CLYBL: variants seen among roughly 807,000 people sequenced by gnomAD.
CLYBL encodes the protein citramalyl-CoA lyase, mitochondrial.
In CLYBL, 31 loss-of-function variants were observed where a neutral mutation model predicts 38.9. The ratio of observed to expected loss-of-function variants is 0.80; its 90% confidence interval spans 0.60 to 1.08. The LOEUF (loss-of-function observed/expected upper bound fraction) is 1.08, where lower values mean the gene tolerates loss of function less well. CLYBL is among the 50% of genes least tolerant of loss of function. The pLI, the probability that CLYBL is intolerant of heterozygous loss-of-function variation, is 0.00. For synonymous variants in CLYBL, 171 were observed against 158.6 expected (o/e 1.08, Z -0.59); for missense variants, 434 against 411.6 (o/e 1.05, Z -0.47).
intron 2 of CLYBL, among the ~76,000 whole-genome samples, chr13:99,798,977 A>AT (rs1291070024): frequency 2.0e-5 from 3 of 152,228 alleles, no homozygotes; most frequent in Non-Finnish European, 2.9e-5. Flanking sequence ...GTGGATTAGC[A>AT]TTTTTTGACA....
chr13:99,807,866 A>G (rs1253471532), intron 2 of CLYBL, among the ~76,000 whole-genome samples: 1 of 152,228 alleles, frequency 6.6e-6, no homozygotes, highest in East Asian at 1.9e-4. Flanking sequence ...AATCTAGGAT[A>G]TGAAGAATAT....
intron 1 of CLYBL, among the ~76,000 whole-genome samples, chr13:99,676,657 A>C (rs763834084): frequency 6.6e-6 from 1 of 151,080 alleles, no homozygotes; most frequent in Non-Finnish European, 1.5e-5. Context: ...GCAATGGCAC[A>C]ATCTCGACTT....
intron 7 of CLYBL, among the ~76,000 whole-genome samples, chr13:99,872,632 C>T (rs564595279): frequency 3.9e-5 from 6 of 152,268 alleles, no homozygotes; most frequent in African/African-American, 9.6e-5. Context: ...ACCATTGAAA[C>T]GAGAGAGCAG....
chr13:99,773,098 A>G, intron 2 of CLYBL, 88 bp downstream of exon 2: 4 of 1,092,340 alleles, frequency 3.7e-6, no homozygotes, highest in Non-Finnish European at 5.4e-6. Context: ...ATTTGGAAAG[A>G]TTCTACCACA....
At chr13:99,671,893 C>T (rs754868829) in intron 1 of CLYBL, among the ~76,000 whole-genome samples, 1 of 152,176 alleles carries the variant, frequency 6.6e-6, no homozygotes, top group Non-Finnish European at 1.5e-5. Context: ...TGCCTGGACT[C>T]ACGTCCCTGA....
intron 1 of CLYBL, among the ~76,000 whole-genome samples, chr13:99,663,767 C>T (rs188219694): frequency 1.2e-4 from 18 of 152,276 alleles, no homozygotes; most frequent in African/African-American, 3.9e-4. Flanking sequence ...TGAGCTGCTG[C>T]GTCCTCACTA....
intron 7 of CLYBL, among the ~76,000 whole-genome samples, chr13:99,872,002 A>G (rs1239545787): frequency 2.2e-5 from 3 of 134,550 alleles, no homozygotes; most frequent in African/African-American, 7.6e-5. Flanking sequence ...AAAAAAAAAA[A>G]AAAAGAAAAA....
chr13:99,664,359 A>G (rs1330748806), intron 1 of CLYBL, among the ~76,000 whole-genome samples: 1 of 152,276 alleles, frequency 6.6e-6, no homozygotes, highest in Non-Finnish European at 1.5e-5. Flanking sequence ...CCCTGAAGCA[A>G]ATACTTTCAA....
chr13:99,720,423 A>G (rs998234868), intron 1 of CLYBL, among the ~76,000 whole-genome samples: 6 of 151,978 alleles, frequency 3.9e-5, no homozygotes, highest in African/African-American at 1.5e-4. Flanking sequence ...TATAATTGAT[A>G]TTGCTGGCTC....
At chr13:99,658,474 G>A (rs1221801919) in intron 1 of CLYBL, among the ~76,000 whole-genome samples, 4 of 152,150 alleles carry the variant, frequency 2.6e-5, no homozygotes, top group Non-Finnish European at 4.4e-5. Flanking sequence ...AGGCTGCCGG[G>A]GACTCTGACT....
intron 1 of CLYBL, among the ~76,000 whole-genome samples, chr13:99,637,753 A>G (rs538451549): frequency 4.6e-5 from 7 of 152,172 alleles, no homozygotes; most frequent in African/African-American, 1.7e-4. Context: ...GTGTGACTTC[A>G]TCTCAAATAA....
intron 2 of CLYBL, among the ~76,000 whole-genome samples, chr13:99,779,105 A>G (rs1423328131): frequency 6.6e-6 from 1 of 152,084 alleles, no homozygotes; most frequent in Non-Finnish European, 1.5e-5. Context: ...CTATGAGAAC[A>G]TATTTCTTTT....
chr13:99,827,572 G>C (rs1323480889), intron 2 of CLYBL, among the ~76,000 whole-genome samples: 1 of 152,116 alleles, frequency 6.6e-6, no homozygotes, highest in Admixed American at 6.5e-5. Flanking sequence ...CAGCCCAGGG[G>C]CTACTCAGAA....
At chr13:99,676,012 G>C (rs1042727661) in intron 1 of CLYBL, among the ~76,000 whole-genome samples, 1 of 152,000 alleles carries the variant, frequency 6.6e-6, no homozygotes, top group African/African-American at 2.4e-5. Context: ...GTGCCTCCAC[G>C]CCTGGCTAAT....
rs747526176 is a variant in CLYBL, at chr13:99,863,055, C to G, written c.503C>G (p.Pro168Arg). 1.2e-6 allele frequency: 2 copies of G among 1,608,910 alleles called. No homozygotes were observed. The highest frequency in any genetic ancestry group is 2.7e-5 in the African/African-American group (2 of 74,698). Reference sequence around the variant, plus strand: ...CTTGAACAACCAATGAATTTAATCCCTTTTGTGGAAACTGCAATGGGTTTG... The same window carrying G: ...CTTGAACAACCAATGAATTTAATCCGTTTTGTGGAAACTGCAATGGGTTTG... Reference protein sequence around the residue: ...RKLEQPMNLIPFVETAMGLLN... With the variant: ...RKLEQPMNLIRFVETAMGLLN... The change falls in exon 4 of 9, where the codon CCT becomes CGT. Residue 168 changes from proline to arginine, a missense_variant. Transcript: ENST00000339105.
chr13:99,883,130 G>A (rs1038261161), intron 7 of CLYBL, among the ~76,000 whole-genome samples: 36 of 152,192 alleles, frequency 2.4e-4, no homozygotes, highest in African/African-American at 8.7e-4. Context: ...ATCAGTGCAT[G>A]TAGCAAGAAC....
intron 1 of CLYBL, among the ~76,000 whole-genome samples, chr13:99,689,589 T>C (rs1245515846): frequency 6.6e-6 from 1 of 152,232 alleles, no homozygotes; most frequent in African/African-American, 2.4e-5. Flanking sequence ...GAGAGTATGA[T>C]TTTTGAAGAC....
chr13:99,803,053 C>T (rs1284012304), intron 2 of CLYBL, among the ~76,000 whole-genome samples: 1 of 152,196 alleles, frequency 6.6e-6, no homozygotes, highest in Non-Finnish European at 1.5e-5. Context: ...ATCTATCCCA[C>T]TTCTCTGTAA....
At chr13:99,758,051 C>A (rs1368975613) in intron 1 of CLYBL, among the ~76,000 whole-genome samples, 1 of 152,194 alleles carries the variant, frequency 6.6e-6, no homozygotes, top group African/African-American at 2.4e-5. Context: ...TGCTGACCTG[C>A]AGCAACAGCT....
Sources: allele counts gnomAD v4.1 joint callset (sites outside exome capture counted in the v4.1 genomes callset), GRCh38; gene constraint gnomAD v4.1.1; transcripts MANE v1.5; gene names NCBI Gene and HGNC (gene_info 2026-07-23, HGNC 2026-07-21).